The following PDGFD variants were observed in gnomAD, a reference collection of about 807,000 sequenced individuals.
PDGFD encodes the protein platelet-derived growth factor D.
Under a neutral mutation model 44.7 loss-of-function variants are expected in PDGFD, and 30 were observed. The ratio of observed to expected loss-of-function variants is 0.67; its 90% CI spans 0.50 to 0.91. PDGFD has a LOEUF of 0.91. Ranked by LOEUF, PDGFD falls within the 40% of genes least tolerant of loss-of-function variation. PDGFD has a pLI of 0.00. For synonymous variants in PDGFD, 173 were observed against 168.4 expected (o/e 1.03, Z -0.21); for missense variants, 445 against 457.8 (o/e 0.97, Z 0.25).
intron 1 of PDGFD, among the ~76,000 whole-genome samples, chr11:104,022,728 C>T (rs1859980258): frequency 7.4e-6 from 1 of 135,018 alleles, no homozygotes; most frequent in South Asian, 2.3e-4. Context: ...TATATACACA[C>T]ACTATAAACA....
intron 1 of PDGFD, among the ~76,000 whole-genome samples, chr11:104,087,153 C>T (rs889908070): frequency 4.0e-5 from 6 of 150,462 alleles, no homozygotes; most frequent in East Asian, 2.0e-4. Context: ...CTCAGCCTCC[C>T]GAGTAGCTAG....
chr11:104,045,677 T>TTTTTTTTTTTTTTTTTTTTTTTTTGAG (rs1178715193), intron 1 of PDGFD, among the ~76,000 whole-genome samples: 6 of 148,230 alleles, frequency 4.0e-5, no homozygotes, highest in African/African-American at 1.5e-4. Flanking sequence ...TTGAGTTTTT[T>TTTTTTTTTTTTTTTTTTTTTTTTTGAG]AAGAGAATAT....
intron 3 of PDGFD, among the ~76,000 whole-genome samples, chr11:103,957,954 C>T (rs1858882492): frequency 6.6e-6 from 1 of 151,848 alleles, no homozygotes; most frequent in Non-Finnish European, 1.5e-5. Flanking sequence ...GGTAAGTGAA[C>T]ATTTAATTTA....
At chr11:104,119,159 TATA>T (rs1861706848) in intron 1 of PDGFD, among the ~76,000 whole-genome samples, 1 of 10,142 alleles carries the variant, frequency 9.9e-5, no homozygotes, top group East Asian at 5.8e-3. Flanking sequence ...AATATATTGA[TATA>T]ACATATAATA....
intron 1 of PDGFD, among the ~76,000 whole-genome samples, chr11:104,044,608 T>C (rs1260702083): frequency 6.6e-6 from 1 of 152,222 alleles, no homozygotes; most frequent in African/African-American, 2.4e-5. Flanking sequence ...TAAATGTACA[T>C]GTAAGCTATC....
In PDGFD at chr11:103,909,812, T is replaced by A; in HGVS notation, c.995A>T (p.Gln332Leu). 6.2e-7 allele frequency: 1 copy of A among 1,614,202 alleles called. No homozygotes were observed. Among genetic ancestry groups the A allele is most frequent in the East Asian group, 2.2e-5 (1 of 44,876 alleles). ...KTVKKYHEVL[Q>L]FEPGHIKRRG... The stretch of plus-strand genomic sequence containing the variant: ...CCTCTTGATGTGGCCAGGCTCAAAC[T>A]GTAATACCTAGGACAAGAAGCACAT... Residue 332 changes from glutamine (Q) to leucine (L), a missense_variant, in exon 7 of 7, where the codon CAG becomes CTG. By Grantham distance (113) the Gln-to-Leu change is moderately radical. Transcript: ENST00000393158.
chr11:104,025,081 A>C (rs1860022562), intron 1 of PDGFD, among the ~76,000 whole-genome samples: 1 of 152,270 alleles, frequency 6.6e-6, no homozygotes, highest in Admixed American at 6.5e-5. Context: ...GTGGAGACTC[A>C]AACCTTGGCA....
chr11:104,130,393 G>C (rs964860561), intron 1 of PDGFD, among the ~76,000 whole-genome samples: 4 of 152,148 alleles, frequency 2.6e-5, no homozygotes, highest in African/African-American at 9.7e-5. Flanking sequence ...TGAATGAACA[G>C]TGGCTGCAGC....
At chr11:104,036,709 C>T in intron 1 of PDGFD, 1 of 796,852 alleles carries the variant, frequency 1.3e-6, no homozygotes, top group Non-Finnish European at 2.1e-6. Flanking sequence ...TGAGCCCGGA[C>T]GGTCCCTACC....
At chr11:103,924,726 C>A (rs1858277406) in intron 6 of PDGFD, among the ~76,000 whole-genome samples, 2 of 152,142 alleles carry the variant, frequency 1.3e-5, no homozygotes, top group South Asian at 4.1e-4. Flanking sequence ...ACACCACCAC[C>A]ACCACAAAAG....
At chr11:103,911,637 T>C (rs557962222) in intron 6 of PDGFD, among the ~76,000 whole-genome samples, 4 of 152,126 alleles carry the variant, frequency 2.6e-5, no homozygotes, top group South Asian at 4.2e-4. Flanking sequence ...GTTTGAGGAA[T>C]TGACAGAAGT....
intron 1 of PDGFD, among the ~76,000 whole-genome samples, chr11:104,085,041 C>CA (rs542143264): frequency 2.0e-5 from 3 of 150,224 alleles, no homozygotes; most frequent in African/African-American, 4.9e-5. Flanking sequence ...TATTTCAAAA[C>CA]AAAAAAAATT....
intron 1 of PDGFD, among the ~76,000 whole-genome samples, chr11:104,025,970 A>G (rs903612029): frequency 1.3e-5 from 2 of 152,182 alleles, no homozygotes; most frequent in South Asian, 2.1e-4. Context: ...AAAGGCCCTC[A>G]GATGGTCTTT....
rs1859048900 is a variant in PDGFD at position 103,968,137 on chromosome 11, GCT to G, written c.511-20415_511-20414del. Among the ~76,000 whole-genome samples the G allele has an allele frequency of 2.0e-5, 3 of 152,188 alleles. No individual in the cohort carries two copies. The South Asian group carries it at 6.2e-4, about 32-fold the overall frequency. On this transcript the variant is annotated intron_variant, in intron 3 of 6. Coordinates refer to ENST00000393158, the MANE Select transcript of PDGFD (RefSeq NM_025208.5). ...TCTCCCTTGGCTTCTGTAATATTAT[GCT>G]CTGGTGTTCTCCTTTTATCTCTCTA... is the stretch of plus-strand genomic sequence containing the variant.
chr11:103,926,875 A>T (rs1401193491), intron 6 of PDGFD, 37 bp downstream of exon 6: 1 of 1,576,334 alleles, frequency 6.3e-7, no homozygotes, highest in Admixed American at 1.8e-5. Flanking sequence ...AATCCTATAG[A>T]TTAAGCATTG....
intron 3 of PDGFD, among the ~76,000 whole-genome samples, chr11:103,969,313 C>T (rs933061293): frequency 6.6e-6 from 1 of 152,048 alleles, no homozygotes. Context: ...CTTTTTAAAA[C>T]CATCTTTATT....
At chr11:103,993,370 C>T (rs866226039) in intron 3 of PDGFD, among the ~76,000 whole-genome samples, 2 of 151,672 alleles carry the variant, frequency 1.3e-5, no homozygotes, top group African/African-American at 2.4e-5. Flanking sequence ...AGCCACCACA[C>T]TCGGCCACGA....
intron 1 of PDGFD, among the ~76,000 whole-genome samples, chr11:104,017,607 G>A (rs910204036): frequency 3.9e-5 from 6 of 152,002 alleles, no homozygotes; most frequent in Admixed American, 6.6e-5. Context: ...GCCTAAACAC[G>A]AAACCGTTCA....
chr11:104,095,307 C>T (rs772432652), intron 1 of PDGFD, among the ~76,000 whole-genome samples: 15 of 151,762 alleles, frequency 9.9e-5, no homozygotes, highest in South Asian at 2.1e-4. Flanking sequence ...ATACTGTATA[C>T]GCAGCACTTA....
Sources: gnomAD v4.1 joint callset for allele counts (sites outside exome capture counted in the v4.1 genomes callset) on GRCh38, gnomAD v4.1.1 for gene constraint, MANE v1.5 for transcripts, NCBI Gene and HGNC (gene_info 2026-07-23, HGNC 2026-07-21) for gene names.